ALLC: variants seen among roughly 807,000 people sequenced by gnomAD.
The protein encoded by ALLC is allantoicase, also known as probable inactive allantoicase.
In ALLC, 40 loss-of-function variants were observed where a neutral mutation model predicts 45.0. The observed-to-expected ratio is 0.89, with a 90% CI of 0.69 to 1.16. ALLC has a LOEUF of 1.16. Among genes scored for constraint, ALLC ranks in the 50% most tolerant of loss-of-function variants. ALLC has a pLI of 0.00. For synonymous variants in ALLC, 176 were observed against 178.1 expected, an observed-to-expected ratio of 0.99 and a Z score of 0.09; for missense variants, 488 against 493.1, an observed-to-expected ratio of 0.99 and a Z score of 0.10.
chr2:3,660,316 T>C (rs554935407), intron 1 of ALLC, among the ~76,000 whole-genome samples: 1 of 152,258 alleles, frequency 6.6e-6, no homozygotes, highest in African/African-American at 2.4e-5. Flanking sequence ...AAGCATATGC[T>C]AGCGCCGTGC....
chr2:3,694,436 T>C (rs1005042988), intron 7 of ALLC, among the ~76,000 whole-genome samples: 1 of 152,184 alleles, frequency 6.6e-6, no homozygotes, highest in East Asian at 1.9e-4. Context: ...TTAAATGAGA[T>C]GTACTCAGAG....
the ALLC span, among the ~76,000 whole-genome samples, chr2:3,647,342 G>A: frequency 0.72 from 108,916 of 151,782 alleles, 40,655 homozygotes; most frequent in East Asian, 0.89. Flanking sequence ...CGATTAAAAC[G>A]TATCTGGAGA....
chr2:3,695,762 A>T lies in ALLC; in HGVS notation c.557A>T (p.Asp186Val). 6.2e-7 allele frequency: 1 copy of T among 1,614,050 alleles called. No homozygotes were observed. The change falls in exon 8 of 12, where the codon GAC becomes GTC. Residue 186 changes from aspartate (D) to valine (V), a missense_variant. Coordinates refer to ENST00000252505, the MANE Select transcript of ALLC (RefSeq NM_018436.4). Reference protein sequence around the residue: ...RLRVFGTGQKDWTATDPKEPA... With the variant: ...RLRVFGTGQKVWTATDPKEPA... The stretch of plus-strand genomic sequence containing the variant: ...AGAGTATTCGGTACTGGACAAAAAG[A>T]CTGGACTGCAACTGACCCCAAAGAA...
chr2:3,654,488 G>A (rs558933692), upstream of ALLC, among the ~76,000 whole-genome samples: 45 of 152,384 alleles, frequency 3.0e-4, no homozygotes, highest in African/African-American at 9.9e-4. Context: ...TGCTGGGGCC[G>A]TCTAGGAGGC....
intron 3 of ALLC, among the ~76,000 whole-genome samples, chr2:3,674,423 G>T (rs1666969284): frequency 6.6e-6 from 1 of 152,120 alleles, no homozygotes; most frequent in Non-Finnish European, 1.5e-5. Context: ...GGAAGAAAAT[G>T]GATCTATGTC....
In ALLC at chr2:3,680,800, T is replaced by C. The variant is rs1667157524; in HGVS notation, c.298+806T>C. Among the ~76,000 whole-genome samples, 1 of 152,104 alleles carries C rather than the reference T, an allele frequency of 6.6e-6. No individual in the cohort carries two copies. The highest frequency in any genetic ancestry group is 1.5e-5 in the Non-Finnish European group (1 of 68,018). ...TCACAGCCTCTGATTTGTGCGATAA[T>C]ATCAAGGTTGACATGTTCTGGACTA... On this transcript the variant is annotated intron_variant, in intron 5 of 11. Transcript: ENST00000252505. The surrounding 1 kb of genome is among the most constrained non-coding windows in gnomAD (Gnocchi z 4.0).
intron 7 of ALLC, chr2:3,695,439 C>G: frequency 2.7e-6 from 1 of 366,330 alleles, no homozygotes; most frequent in Non-Finnish European, 4.9e-6. Context: ...AGGGAGGAGA[C>G]AACTTCAGAG....
chr2:3,667,147 A>G (rs1666745393), intron 1 of ALLC, among the ~76,000 whole-genome samples: 2 of 151,920 alleles, frequency 1.3e-5, no homozygotes, highest in Non-Finnish European at 2.9e-5. Flanking sequence ...GTCCTTCCCT[A>G]TACCACCCAG....
intron 3 of ALLC, among the ~76,000 whole-genome samples, chr2:3,676,868 A>G (rs1667037534): frequency 6.7e-6 from 1 of 148,892 alleles, no homozygotes; most frequent in Non-Finnish European, 1.5e-5. Context: ...GCTCACCACA[A>G]CCTCCACCTC....
the ALLC span, among the ~76,000 whole-genome samples, chr2:3,649,432 G>A: frequency 4.6e-5 from 7 of 152,112 alleles, no homozygotes; most frequent in Admixed American, 3.3e-4. Flanking sequence ...TAGTAGAGAC[G>A]GGGTTTCACC....
chr2:3,699,177 C>T lies in ALLC; in HGVS notation c.850+1721C>T, dbSNP rs961842893. Among the ~76,000 whole-genome samples, 6 of 152,148 alleles carry T rather than the reference C, an allele frequency of 3.9e-5. No individual in the cohort carries two copies. In the South Asian group the frequency reaches 6.2e-4, roughly 16 times the overall value. Reference sequence around the variant, plus strand: ...AGTATTTTTGCCTGATCTCCCTCCTCCCACCCTCCACCTTCAATTATGCCC... The same window carrying T: ...AGTATTTTTGCCTGATCTCCCTCCTTCCACCCTCCACCTTCAATTATGCCC... On this transcript the variant is annotated intron_variant, in intron 10 of 11. Coordinates refer to ENST00000252505, the MANE Select transcript of ALLC (RefSeq NM_018436.4).
chr2:3,702,007 C>T (rs1235527745), intron 11 of ALLC, among the ~76,000 whole-genome samples: 3 of 152,126 alleles, frequency 2.0e-5, no homozygotes, highest in African/African-American at 7.2e-5. Context: ...GAGGGTCAGG[C>T]TAGAGGTGAG....
intron 2 of ALLC, 146 bp from the exon 3 acceptor site, chr2:3,673,929 A>T (rs777461531): frequency 4.8e-6 from 3 of 629,262 alleles, no homozygotes; most frequent in Non-Finnish European, 8.4e-6. Context: ...TCAAGGCATC[A>T]TGGCTTAACT....
chr2:3,678,197 T>C (rs942950294), intron 3 of ALLC, among the ~76,000 whole-genome samples: 1 of 152,190 alleles, frequency 6.6e-6, no homozygotes, highest in Non-Finnish European at 1.5e-5. Context: ...GCCCACAGAG[T>C]GCCTGGTGAT....
intron 1 of ALLC, among the ~76,000 whole-genome samples, chr2:3,668,784 C>G (rs907538531): frequency 6.6e-6 from 1 of 151,042 alleles, no homozygotes; most frequent in African/African-American, 2.4e-5. Flanking sequence ...CTATATTAGC[C>G]AGGGTGGTCT....
chr2:3,668,757 G>C (rs1470258034), intron 1 of ALLC, among the ~76,000 whole-genome samples: 2 of 150,858 alleles, frequency 1.3e-5, no homozygotes, highest in Non-Finnish European at 3.0e-5. Context: ...TTTATTTTTA[G>C]TAGAGACGGG....
intron 2 of ALLC, among the ~76,000 whole-genome samples, chr2:3,671,632 A>G: frequency 6.9e-6 from 1 of 144,234 alleles, no homozygotes; most frequent in East Asian, 2.0e-4. Flanking sequence ...GTTAGATGGG[A>G]GGTCCCCTGG....
Position 3,674,120 on chromosome 2 carries a change from AT to A in ALLC, c.80del (p.Ile27LysfsTer101). On this transcript the variant is annotated frameshift_variant, in exon 3 of 12. Transcript: ENST00000252505. LOFTEE classifies it high-confidence loss of function. ...CTTTTTTGCTCCTGCAGAAAACCTC[AT>A]AAAGGTATTGTAAATTGACATTCTG... ...DDFFAPAENL[I>X]KSDSPCFKEH... The A allele has an allele frequency of 6.4e-7, 1 of 1,560,970 alleles. No homozygotes were observed. Among genetic ancestry groups the A allele is most frequent in the Non-Finnish European group, 8.7e-7 (1 of 1,149,316 alleles).
intron 1 of ALLC, among the ~76,000 whole-genome samples, chr2:3,667,377 G>T (rs13384923): frequency 0.42 from 61,730 of 148,590 alleles, 12,616 homozygotes; most frequent in Non-Finnish European, 0.44. Context: ...TGCACACGGT[G>T]CTGAATGAAT....
Sources: allele counts gnomAD v4.1 joint callset (sites outside exome capture counted in the v4.1 genomes callset), GRCh38; gene constraint gnomAD v4.1.1; non-coding constraint Gnocchi (gnomAD v3.1); transcripts MANE v1.5; gene names NCBI Gene and HGNC (gene_info 2026-07-23, HGNC 2026-07-21).